The following POLR3H variants were observed in gnomAD, a reference collection of about 807,000 sequenced individuals.
POLR3H encodes DNA-directed RNA polymerase III subunit RPC8.
A neutral mutation model predicts 25.5 loss-of-function variants in POLR3H; 17 were observed. That is an observed-to-expected ratio of 0.67 (90% CI 0.46 to 1.00). The LOEUF (loss-of-function observed/expected upper bound fraction) is 1.00, where lower values mean the gene tolerates loss of function less well. POLR3H is among the 50% of genes least tolerant of loss of function. POLR3H has a pLI of 0.00. For synonymous variants in POLR3H, 129 were observed against 103.0 expected, an observed-to-expected ratio of 1.25 and a Z score of -1.53; for missense variants, 274 against 265.0, an observed-to-expected ratio of 1.03 and a Z score of -0.24.
chr22:41,527,862 A>AG lies in POLR3H; in HGVS notation c.*1420dup, dbSNP rs1443515070. ...TTCAGAAAATGAAGCTCTCCAGGCT[A>AG]GTCAGGCCCCCGATGACCGAATGCC... On this transcript the variant is annotated 3_prime_UTR_variant, in exon 6 of 6. Coordinates refer to ENST00000355209, the MANE Select transcript of POLR3H (RefSeq NM_001018050.4). 2.6e-5 allele frequency: 42 copies of AG among 1,613,882 alleles called. No individual in the cohort carries two copies. The highest frequency in any genetic ancestry group is 3.5e-5 in the Non-Finnish European group (41 of 1,180,000).
Position 41,530,753 on chromosome 22 carries a change from G to A in POLR3H, c.495C>T (p.Pro165=), listed in dbSNP as rs35463585. The change falls in exon 5 of 6, where the codon CCC becomes CCT. Residue 165 remains proline (P), a synonymous_variant. Transcript: ENST00000355209. ...TGGAAGTGGTGGCATCTGCTGAGCTGGGCCCTGTGGGGGACGTGTCAACAA... is the reference window on the plus strand; with the variant it reads ...TGGAAGTGGTGGCATCTGCTGAGCTAGGCCCTGTGGGGGACGTGTCAACAA... ...ESFVDTSPTG[P]SSADATTSSE... 7,244 of 1,614,016 alleles carry A rather than the reference G, an allele frequency of 4.5e-3. 174 individuals are homozygous for A. The African/African-American group carries it at 0.069, about 15-fold the overall frequency.
rs1337154759 is a variant in POLR3H, at chr22:41,526,764, G to A, written c.*2519C>T. On this transcript the variant is annotated 3_prime_UTR_variant, in exon 6 of 6. Coordinates refer to ENST00000355209, the MANE Select transcript of POLR3H (RefSeq NM_001018050.4). ...AGTCAGAGGCCAAAAGCTCAGAGAG[G>A]GGGCTACACGGGGCCTCACAGTGAG... The A allele has an allele frequency of 3.9e-5, 14 of 355,868 alleles. No homozygotes were observed. The highest frequency in any genetic ancestry group is 6.2e-5 in the African/African-American group (3 of 48,246). The allele number at this position is 355,868 out of a possible 1,614,324, so 22.0% of individuals were successfully genotyped here.
In POLR3H at chr22:41,527,283, G is replaced by T. The variant is rs1601936425; in HGVS notation, c.*2000C>A. ...CTTATAACCTTACCCCCGCTTGCCT[G>T]ACAGAAACATGGCATCAGGTGGGTG... On this transcript the variant is annotated 3_prime_UTR_variant, in exon 6 of 6. Coordinates refer to ENST00000355209, the MANE Select transcript of POLR3H (RefSeq NM_001018050.4). The T allele has an allele frequency of 6.2e-7, 1 of 1,614,188 alleles. No individual in the cohort carries two copies.
chr22:41,533,789 G>T (rs753126664), intron 2 of POLR3H: 2 of 1,038,134 alleles, frequency 1.9e-6, no homozygotes, highest in Admixed American at 2.5e-5. Flanking sequence ...GGCCACTTAC[G>T]CACAGATGGA....
rs1342022490 is a variant in POLR3H at position 41,527,037 on chromosome 22, A to G, written c.*2246T>C. On this transcript the variant is annotated 3_prime_UTR_variant, in exon 6 of 6. Transcript: ENST00000355209. ...ACACACCTGCCTCTGCCAAGCACCAATGGGTGGCTTCTGTCTTCTTTGCCA... is the reference window on the plus strand; with the variant it reads ...ACACACCTGCCTCTGCCAAGCACCAGTGGGTGGCTTCTGTCTTCTTTGCCA... 3 of 577,010 alleles carry G rather than the reference A, an allele frequency of 5.2e-6. No individual in the cohort carries two copies. The highest frequency in any genetic ancestry group is 3.0e-5 in the East Asian group (1 of 33,568). 35.7% of individuals were successfully genotyped at this position (577,010 alleles called of 1,614,324 possible). A position where few individuals can be genotyped will look rare whatever the true frequency, so the allele number is the denominator to read the frequency against.
chr22:41,527,002 C>G lies in POLR3H; in HGVS notation c.*2281G>C. The G allele has an allele frequency of 2.0e-6, 1 of 508,850 alleles. No homozygotes were observed. Among genetic ancestry groups the G allele is most frequent in the Non-Finnish European group, 3.5e-6 (1 of 285,012 alleles). 31.5% of individuals were successfully genotyped at this position (508,850 alleles called of 1,614,324 possible). A position where few individuals can be genotyped will look rare whatever the true frequency, so the allele number is the denominator to read the frequency against. On this transcript the variant is annotated 3_prime_UTR_variant, in exon 6 of 6. Coordinates refer to ENST00000355209, the MANE Select transcript of POLR3H (RefSeq NM_001018050.4). Reference sequence around the variant, plus strand: ...GGAGGCCGTCCCTGTCTCACCCAACCTCCCTCCACACACACCTGCCTCTGC... The same window carrying G: ...GGAGGCCGTCCCTGTCTCACCCAACGTCCCTCCACACACACCTGCCTCTGC...
rs1484434122 is a variant in POLR3H at position 41,527,420 on chromosome 22, G to A, written c.*1863C>T. ...CACCAAGAGCTTTGCCAGGATCCAC[G>A]GTGAGCTGGAGTCTGTACCCAGGCC... On this transcript the variant is annotated 3_prime_UTR_variant, in exon 6 of 6. Transcript: ENST00000355209. 2.5e-6 allele frequency: 4 copies of A among 1,609,616 alleles called. No homozygotes were observed. The highest frequency in any genetic ancestry group is 2.2e-5 in the East Asian group (1 of 44,848).
At position 41,527,948 on chromosome 22, in the gene POLR3H, C is replaced by A; in HGVS notation, c.*1335G>T. Reference sequence around the variant, plus strand: ...CCTGCTGCCTCTGACCTTCGCTGACCCGGCTGACTACAACAAGATTCACCC... The same window carrying A: ...CCTGCTGCCTCTGACCTTCGCTGACACGGCTGACTACAACAAGATTCACCC... On this transcript the variant is annotated 3_prime_UTR_variant, in exon 6 of 6. Coordinates refer to ENST00000355209, the MANE Select transcript of POLR3H (RefSeq NM_001018050.4). The A allele has an allele frequency of 8.1e-6, 13 of 1,614,176 alleles. No individual in the cohort carries two copies. Among genetic ancestry groups the A allele is most frequent in the Non-Finnish European group, 1.0e-5 (12 of 1,180,026 alleles).
intron 2 of POLR3H, among the ~76,000 whole-genome samples, chr22:41,534,213 G>A (rs1279620332): frequency 6.6e-6 from 1 of 152,126 alleles, no homozygotes; most frequent in African/African-American, 2.4e-5. Flanking sequence ...CACGGGGGTG[G>A]GACAGCACAT....
At position 41,527,469 on chromosome 22, in the gene POLR3H, C is replaced by T. The variant is rs1390950747; in HGVS notation, c.*1814G>A. ...CCATCCTCATCCCATCCCTAGTGAT[C>T]AAGGTCACTCTCCCTGCCCGTGGCT... On this transcript the variant is annotated 3_prime_UTR_variant, in exon 6 of 6. Coordinates refer to ENST00000355209, the MANE Select transcript of POLR3H (RefSeq NM_001018050.4). 6.4e-7 allele frequency: 1 copy of T among 1,563,026 alleles called. No homozygotes were observed.
chr22:41,535,897 G>A (rs1350559783), intron 2 of POLR3H, among the ~76,000 whole-genome samples: 1 of 152,048 alleles, frequency 6.6e-6, no homozygotes, highest in Non-Finnish European at 1.5e-5. Context: ...TTGAACCCGG[G>A]AGGCAGAGGT....
chr22:41,526,273 G>C lies in POLR3H; in HGVS notation c.*3010C>G. On this transcript the variant is annotated 3_prime_UTR_variant, in exon 6 of 6. Coordinates refer to ENST00000355209, the MANE Select transcript of POLR3H (RefSeq NM_001018050.4). ...ACTTACCACCCAAGGTCAAAGGGAA[G>C]TGTACCACTGACCACATCTCAGCTG... 6.2e-7 allele frequency: 1 copy of C among 1,612,206 alleles called. No homozygotes were observed. The highest frequency in any genetic ancestry group is 8.5e-7 in the Non-Finnish European group (1 of 1,179,942).
At position 41,527,024 on chromosome 22, in the gene POLR3H, C is replaced by T. The variant is rs752157348; in HGVS notation, c.*2259G>A. ...AACCTCCCTCCACACACACCTGCCTCTGCCAAGCACCAATGGGTGGCTTCT... is the reference window on the plus strand; with the variant it reads ...AACCTCCCTCCACACACACCTGCCTTTGCCAAGCACCAATGGGTGGCTTCT... On this transcript the variant is annotated 3_prime_UTR_variant, in exon 6 of 6. Coordinates refer to ENST00000355209, the MANE Select transcript of POLR3H (RefSeq NM_001018050.4). 1 of 553,748 alleles carries T rather than the reference C, an allele frequency of 1.8e-6. No homozygotes were observed. The highest frequency in any genetic ancestry group is 3.1e-5 in the East Asian group (1 of 31,830). The allele number at this position is 553,748 out of a possible 1,614,324, so 34.3% of individuals were successfully genotyped here. A position where few individuals can be genotyped will look rare whatever the true frequency, so the allele number is the denominator to read the frequency against.
chr22:41,544,350 C>CCGCCACGCCAGGCCA lies in POLR3H; in HGVS notation c.-250_-249insTGGCCTGGCGTGGCG, dbSNP rs2066985150. ...GGGTGCGCGCCCGCGCCGCGAGACC[C>CCGCCACGCCAGGCCA]CGCCACGCCACGCCACTCCACGCCA... On this transcript the variant is annotated 5_prime_UTR_variant, in exon 1 of 6. Transcript: ENST00000355209. 2.6e-6 allele frequency: 1 copy of CCGCCACGCCAGGCCA among 379,340 alleles called. No homozygotes were observed. The highest frequency in any genetic ancestry group is 4.7e-6 in the Non-Finnish European group (1 of 211,980). The allele number at this position is 379,340 out of a possible 1,614,324, so 23.5% of individuals were successfully genotyped here. A position where few individuals can be genotyped will look rare whatever the true frequency, so the allele number is the denominator to read the frequency against.
In POLR3H at chr22:41,544,028, G is replaced by C. The variant is rs778409924; in HGVS notation, c.74C>G (p.Ser25Cys). Residue 25 changes from serine (S) to cysteine (C), a missense_variant, in exon 1 of 6, where the codon TCC (serine) becomes TGC (cysteine). Ser to Cys is a moderately radical substitution (Grantham distance 112). Coordinates refer to ENST00000355209, the MANE Select transcript of POLR3H (RefSeq NM_001018050.4). ...CTTCTTGTTCAGCTCCTCGGCAATGGAGTCGTTGAGCTTCCTCTCAAACTG... is the reference window on the plus strand; with the variant it reads ...CTTCTTGTTCAGCTCCTCGGCAATGCAGTCGTTGAGCTTCCTCTCAAACTG... ...PWQFERKLNDSIAEELNKKLA... is the reference protein window; with the variant it reads ...PWQFERKLNDCIAEELNKKLA... The C allele has an allele frequency of 1.1e-5, 17 of 1,613,822 alleles. No homozygotes were observed. The Admixed American group carries it at 2.7e-4, about 25-fold the overall frequency.
Position 41,526,159 on chromosome 22 carries a change from A to G in POLR3H, c.*3124T>C. 9.7e-7 allele frequency: 1 copy of G among 1,027,570 alleles called. No individual in the cohort carries two copies. The highest frequency in any genetic ancestry group is 1.6e-5 in the African/African-American group (1 of 61,778). The allele number at this position is 1,027,570 out of a possible 1,614,324, so 63.7% of individuals were successfully genotyped here. A position where few individuals can be genotyped will look rare whatever the true frequency, so the allele number is the denominator to read the frequency against. The stretch of plus-strand genomic sequence containing the variant: ...CTTGCCTGCCTCTCACCCCTCTGTC[A>G]CCCCTCCTGGGCCCCGGGGCCTGCT... On this transcript the variant is annotated 3_prime_UTR_variant, in exon 6 of 6. Coordinates refer to ENST00000355209, the MANE Select transcript of POLR3H (RefSeq NM_001018050.4).
At position 41,527,617 on chromosome 22, in the gene POLR3H, T is replaced by G; in HGVS notation, c.*1666A>C. ...CTTCCCGGCTTCCCGCAGGCCCTGC[T>G]TCCAGGCTTGTAGATCTGAGCCGCT... On this transcript the variant is annotated 3_prime_UTR_variant, in exon 6 of 6. Transcript: ENST00000355209. The G allele has an allele frequency of 1.2e-6, 1 of 863,442 alleles. No individual in the cohort carries two copies. The highest frequency in any genetic ancestry group is 1.7e-6 in the Non-Finnish European group (1 of 576,458). The allele number at this position is 863,442 out of a possible 1,614,324, so 53.5% of individuals were successfully genotyped here. A position where few individuals can be genotyped will look rare whatever the true frequency, so the allele number is the denominator to read the frequency against.
chr22:41,533,387 A>G, intron 2 of POLR3H: 1 of 600,074 alleles, frequency 1.7e-6, no homozygotes, highest in South Asian at 2.3e-5. Context: ...CGCTGACCTG[A>G]GAATCAGCAC....
Position 41,528,047 on chromosome 22 carries a change from G to T in POLR3H, c.*1236C>A. On this transcript the variant is annotated 3_prime_UTR_variant, in exon 6 of 6. Coordinates refer to ENST00000355209, the MANE Select transcript of POLR3H (RefSeq NM_001018050.4). ...GGTTAGGGGCCCGGGTCCCCCTGAG[G>T]TGGTGGGGTGAGGGGCAGCCACCTT... The T allele has an allele frequency of 6.2e-7, 1 of 1,613,914 alleles. No homozygotes were observed. Among genetic ancestry groups the T allele is most frequent in the Non-Finnish European group, 8.5e-7 (1 of 1,179,980 alleles).
Sources: gnomAD v4.1 joint callset for allele counts (sites outside exome capture counted in the v4.1 genomes callset) on GRCh38, gnomAD v4.1.1 for gene constraint, MANE v1.5 for transcripts, NCBI Gene and HGNC (gene_info 2026-07-23, HGNC 2026-07-21) for gene names.